The following PRKAR1B variants were observed in gnomAD, a reference collection of about 807,000 sequenced individuals.
PRKAR1B encodes protein kinase cAMP-dependent type I regulatory subunit beta.
A neutral mutation model predicts 46.5 loss-of-function variants in PRKAR1B; 22 were observed. The observed-to-expected ratio is 0.47, with a 90% confidence interval of 0.34 to 0.68. PRKAR1B has a LOEUF of 0.68. Ranked by LOEUF, PRKAR1B falls within the 30% of genes least tolerant of loss-of-function variation. The pLI is 0.01. For missense variants in PRKAR1B, 445 were observed against 535.6 expected, an observed-to-expected ratio of 0.83 and a Z score of 1.67; for synonymous variants, 259 against 217.7, an observed-to-expected ratio of 1.19 and a Z score of -1.67.
At chr7:694,292 A>G (rs977100522) in intron 2 of PRKAR1B, among the ~76,000 whole-genome samples, 1 of 151,790 alleles carries the variant, frequency 6.6e-6, no homozygotes, top group African/African-American at 2.4e-5. Flanking sequence ...CTCAAAAAAA[A>G]GAAAAAACAG....
At chr7:719,501 C>T (rs552419503) in intron 1 of PRKAR1B, among the ~76,000 whole-genome samples, 1 of 152,106 alleles carries the variant, frequency 6.6e-6, no homozygotes, top group African/African-American at 2.4e-5. Context: ...TTCTTTGTAG[C>T]GACGAGGTGT....
chr7:649,257 T>C (rs1032602539), intron 4 of PRKAR1B, among the ~76,000 whole-genome samples: 18 of 152,250 alleles, frequency 1.2e-4, no homozygotes, highest in African/African-American at 4.3e-4. Flanking sequence ...CTAGCCCATT[T>C]CCCACAGAAT....
At chr7:638,411 G>T (rs1262517678) in intron 4 of PRKAR1B, among the ~76,000 whole-genome samples, 1 of 152,076 alleles carries the variant, frequency 6.6e-6, no homozygotes, top group Non-Finnish European at 1.5e-5. Context: ...TCCCCCGGGG[G>T]CCTCGGGACA....
At chr7:647,002 C>A (rs1356615713) in intron 4 of PRKAR1B, among the ~76,000 whole-genome samples, 4 of 152,174 alleles carry the variant, frequency 2.6e-5, no homozygotes, top group Non-Finnish European at 4.4e-5. Flanking sequence ...CCAGGCTGCT[C>A]AGCTTCCACA....
At chr7:572,365 G>A (rs1443929687) in intron 9 of PRKAR1B, among the ~76,000 whole-genome samples, 2 of 152,168 alleles carry the variant, frequency 1.3e-5, no homozygotes, top group Admixed American at 1.3e-4. Flanking sequence ...GCGTGACCCC[G>A]TGGGGTTGGG....
intron 1 of PRKAR1B, among the ~76,000 whole-genome samples, chr7:722,155 C>T (rs1185869450): frequency 3.9e-5 from 5 of 129,262 alleles, no homozygotes; most frequent in Non-Finnish European, 6.1e-5. Flanking sequence ...GGCTGGAGTG[C>T]GGTGGCATGA....
At chr7:712,645 T>G (rs1583454248) in intron 1 of PRKAR1B, 2 of 40,354 alleles carry the variant, frequency 5.0e-5, no homozygotes, top group East Asian at 1.2e-3. Flanking sequence ...CCCCCGGCTC[T>G]CCCCGCCCCC....
chr7:703,083 C>T (rs1780146831), intron 2 of PRKAR1B, among the ~76,000 whole-genome samples: 1 of 152,092 alleles, frequency 6.6e-6, no homozygotes, highest in South Asian at 2.1e-4. Context: ...AGATTAATCA[C>T]ACAAATCCTA....
chr7:610,309 C>G (rs1164322551), intron 4 of PRKAR1B, among the ~76,000 whole-genome samples: 3 of 152,190 alleles, frequency 2.0e-5, no homozygotes, highest in Admixed American at 6.5e-5. Context: ...GGGGGCTGTT[C>G]AGTCCTTGGT....
chr7:689,805 G>A lies in PRKAR1B; in HGVS notation c.178-9079C>T, dbSNP rs543612736. Among the ~76,000 whole-genome samples the A allele has an allele frequency of 1.6e-3, 236 of 151,718 alleles. 1 individual carries two copies. The highest frequency in any genetic ancestry group is 2.1e-3 in the South Asian group (10 of 4,784). ...CGCCATTCTCCTGCCTCAGCCTCTC[G>A]AGTAGCTGGGACTACAGGCACCCAC... On this transcript the variant is annotated intron_variant, in intron 2 of 10. Transcript: ENST00000537384.
chr7:603,698 T>C (rs1178390683), intron 6 of PRKAR1B, among the ~76,000 whole-genome samples: 2 of 86,676 alleles, frequency 2.3e-5, no homozygotes, highest in African/African-American at 1.0e-4. Flanking sequence ...GGACCCAGAG[T>C]GGAGGGGATG....
chr7:588,332 T>C (rs1017839416), intron 7 of PRKAR1B, among the ~76,000 whole-genome samples: 4 of 152,182 alleles, frequency 2.6e-5, no homozygotes, highest in African/African-American at 9.7e-5. Flanking sequence ...TTTGGTGAAA[T>C]GAGACCATAA....
chr7:595,785 G>C (rs1041588298), intron 7 of PRKAR1B, among the ~76,000 whole-genome samples: 1 of 152,248 alleles, frequency 6.6e-6, no homozygotes, highest in Non-Finnish European at 1.5e-5. Flanking sequence ...AGCAGCCACC[G>C]TGTCGGCAGG....
chr7:719,118 C>A (rs1780986042), intron 1 of PRKAR1B, among the ~76,000 whole-genome samples: 2 of 152,184 alleles, frequency 1.3e-5, no homozygotes, highest in South Asian at 4.1e-4. Flanking sequence ...CAGCTCCCTG[C>A]AACCTCCGCC....
chr7:597,782 A>G (rs1781348801), intron 6 of PRKAR1B, among the ~76,000 whole-genome samples: 1 of 152,178 alleles, frequency 6.6e-6, no homozygotes, highest in Admixed American at 6.5e-5. Context: ...GAAGCTGGAG[A>G]GGGCCTGCAA....
chr7:649,099 G>A (rs771125390), intron 4 of PRKAR1B, among the ~76,000 whole-genome samples: 2 of 152,100 alleles, frequency 1.3e-5, no homozygotes, highest in Non-Finnish European at 2.9e-5. Flanking sequence ...GGGAGGTGGA[G>A]GTTGCAGTGA....
At chr7:662,986 G>C (rs768175744) in intron 4 of PRKAR1B, among the ~76,000 whole-genome samples, 32 of 152,198 alleles carry the variant, frequency 2.1e-4, no homozygotes, top group Non-Finnish European at 4.1e-4. Flanking sequence ...AAAGATCTAA[G>C]AGTGTTCAAT....
intron 8 of PRKAR1B, among the ~76,000 whole-genome samples, chr7:581,260 A>G (rs1012499765): frequency 2.7e-5 from 4 of 148,198 alleles, no homozygotes; most frequent in Non-Finnish European, 4.4e-5. Context: ...CCGAGATAGC[A>G]CCACTGACCT....
Position 621,056 on chromosome 7 carries a change from T to C in PRKAR1B, c.441-13604A>G, listed in dbSNP as rs558956187. On this transcript the variant is annotated intron_variant, in intron 4 of 10. Coordinates refer to ENST00000537384, the MANE Select transcript of PRKAR1B (RefSeq NM_001164760.2). ...ATGCTCTTTCTCTACAATCTACTAA[T>C]ATGGTGATTTACATGGATAGAGTAT... is the stretch of plus-strand genomic sequence containing the variant. 1.3e-3 allele frequency among the ~76,000 whole-genome samples: 197 copies of C among 152,366 alleles called. 2 individuals carry two copies. Among genetic ancestry groups the C allele is most frequent in the African/African-American group, 4.5e-3 (188 of 41,592 alleles).
Sources: gnomAD v4.1 joint callset for allele counts (sites outside exome capture counted in the v4.1 genomes callset) on GRCh38, gnomAD v4.1.1 for gene constraint, MANE v1.5 for transcripts, NCBI Gene and HGNC (gene_info 2026-07-23, HGNC 2026-07-21) for gene names.